PHF21B: variants seen among roughly 807,000 people sequenced by gnomAD.
PHF21B encodes the protein PHD finger protein 21B.
PHF21B carries 22 observed loss-of-function variants against 62.2 expected under a neutral mutation model. The ratio of observed to expected loss-of-function variants is 0.35; its 90% CI spans 0.25 to 0.51. The LOEUF (loss-of-function observed/expected upper bound fraction) is 0.51, where lower values mean the gene tolerates loss of function less well. Ranked by LOEUF, PHF21B falls within the 20% of genes least tolerant of loss-of-function variation. PHF21B has a pLI of 0.97. For synonymous variants in PHF21B, 341 were observed against 314.7 expected (o/e 1.08, Z -0.88); for missense variants, 701 against 707.9 (o/e 0.99, Z 0.11).
Position 44,882,835 on chromosome 22 carries a change from CTG to C in PHF21B, c.*249_*250del. On this transcript the variant is annotated 3_prime_UTR_variant, in exon 13 of 13. Coordinates refer to ENST00000313237, the MANE Select transcript of PHF21B (RefSeq NM_138415.5). ...CAGCCCCGAGGTGGCCGGGGGGAGA[CTG>C]TGTGCCCCAGCCTGTCGTACCCCAC... The C allele has an allele frequency of 8.5e-6, 4 of 467,976 alleles. No individual in the cohort carries two copies. In the South Asian group the frequency reaches 1.3e-4, roughly 15 times the overall value. 29.0% of individuals were successfully genotyped at this position (467,976 alleles called of 1,614,324 possible). A position where few individuals can be genotyped will look rare whatever the true frequency, so the allele number is the denominator to read the frequency against.
intron 9 of PHF21B, among the ~76,000 whole-genome samples, chr22:44,888,679 C>T (rs760088507): frequency 2.0e-5 from 3 of 152,232 alleles, no homozygotes; most frequent in African/African-American, 7.2e-5. Context: ...TTGGAAAAGA[C>T]CAGAGAGCTC....
At chr22:44,928,998 C>G (rs2071688383) in intron 2 of PHF21B, among the ~76,000 whole-genome samples, 1 of 148,104 alleles carries the variant, frequency 6.8e-6, no homozygotes. Flanking sequence ...CTCCCAGAAG[C>G]CCCCATGGAA....
intron 2 of PHF21B, among the ~76,000 whole-genome samples, chr22:44,929,020 TCTC>T (rs10553883): frequency 0.38 from 57,556 of 151,898 alleles, 11,304 homozygotes; most frequent in Admixed American, 0.43. Context: ...GCGGCCTTGC[TCTC>T]CTCCTCTCCA....
rs1372418657 is a variant in PHF21B at position 44,882,870 on chromosome 22, C to G, written c.*216G>C. The G allele has an allele frequency of 1.4e-5, 8 of 564,012 alleles. No individual in the cohort carries two copies. Among genetic ancestry groups the G allele is most frequent in the Non-Finnish European group, 1.8e-5 (6 of 332,488 alleles). 34.9% of individuals were successfully genotyped at this position (564,012 alleles called of 1,614,324 possible). A position where few individuals can be genotyped will look rare whatever the true frequency, so the allele number is the denominator to read the frequency against. On this transcript the variant is annotated 3_prime_UTR_variant, in exon 13 of 13. Coordinates refer to ENST00000313237, the MANE Select transcript of PHF21B (RefSeq NM_138415.5). ...CAGCCTGTCGTACCCCACCTGGCTC[C>G]TAGGTACCCCCTGTGAATTTGGAGG...
At chr22:44,933,590 T>C in intron 2 of PHF21B, 1 of 963,194 alleles carries the variant, frequency 1.0e-6, no homozygotes, top group Non-Finnish European at 1.2e-6. Flanking sequence ...CGGGAAGGTC[T>C]CGGCTACATA....
chr22:44,939,574 G>A lies in PHF21B; in HGVS notation c.121-19084C>T, dbSNP rs184376974. Reference sequence around the variant, plus strand: ...AGGAAAGGGTGAAGGAGATGCTGGCGCTGTCTTGGAAGTTAAGTAGGGTTC... The same window carrying A: ...AGGAAAGGGTGAAGGAGATGCTGGCACTGTCTTGGAAGTTAAGTAGGGTTC... On this transcript the variant is annotated intron_variant, in intron 2 of 12. Transcript: ENST00000313237. 7.2e-5 allele frequency among the ~76,000 whole-genome samples: 11 copies of A among 152,330 alleles called. 1 individual carries two copies. The highest frequency in any genetic ancestry group is 2.1e-4 in the South Asian group (1 of 4,828).
At chr22:44,922,564 G>A (rs1354621189) in intron 2 of PHF21B, among the ~76,000 whole-genome samples, 4 of 151,438 alleles carry the variant, frequency 2.6e-5, no homozygotes, top group African/African-American at 7.3e-5. Context: ...CCTGGGAGGT[G>A]GAGGTTGCAG....
At chr22:44,901,589 A>C (rs2071160060) in intron 5 of PHF21B, 1 of 308,444 alleles carries the variant, frequency 3.2e-6, no homozygotes, top group South Asian at 9.9e-5. Flanking sequence ...CCCATCTTGC[A>C]AGATGGTGAG....
At chr22:44,960,020 G>T (rs2072385574) in intron 2 of PHF21B, among the ~76,000 whole-genome samples, 1 of 152,236 alleles carries the variant, frequency 6.6e-6, no homozygotes, top group Non-Finnish European at 1.5e-5. Flanking sequence ...TGTGACCTCA[G>T]CACCGGACGT....
At position 44,972,031 on chromosome 22, in the gene PHF21B, C is replaced by T. The variant is rs370147801; in HGVS notation, c.120+36514G>A. 1.8e-4 allele frequency among the ~76,000 whole-genome samples: 28 copies of T among 152,328 alleles called. No homozygotes were observed. The East Asian group carries it at 2.7e-3, about 15-fold the overall frequency. On this transcript the variant is annotated intron_variant, in intron 2 of 12. Transcript: ENST00000313237. The stretch of plus-strand genomic sequence containing the variant: ...GGGCTCAGGACAGGGTCACCCATAC[C>T]GGCTGCACTGAATGCTTTAGGGTGG...
At chr22:44,947,613 C>CT (rs2072101658) in intron 2 of PHF21B, among the ~76,000 whole-genome samples, 2 of 152,240 alleles carry the variant, frequency 1.3e-5, no homozygotes, top group Admixed American at 1.3e-4. Flanking sequence ...TTCTGCCTCT[C>CT]TGTCATGTCA....
rs115324345 is a variant in PHF21B at position 44,933,599 on chromosome 22, T to G, written c.121-13109A>C. The G allele has an allele frequency of 4.6e-3, 4,308 of 937,588 alleles. 149 individuals carry two copies. The African/African-American group carries it at 0.07, about 15-fold the overall frequency. 58.1% of individuals were successfully genotyped at this position (937,588 alleles called of 1,614,324 possible). A position where few individuals can be genotyped will look rare whatever the true frequency, so the allele number is the denominator to read the frequency against. On this transcript the variant is annotated intron_variant, in intron 2 of 12. Transcript: ENST00000313237. Reference sequence around the variant, plus strand: ...AGTGCACGGGAAGGTCTCGGCTACATAGAAGGGGTAAGCGTTAAGTGGGGT... The same window carrying G: ...AGTGCACGGGAAGGTCTCGGCTACAGAGAAGGGGTAAGCGTTAAGTGGGGT...
At chr22:44,996,984 C>G (rs1315044913) in intron 2 of PHF21B, among the ~76,000 whole-genome samples, 1 of 152,216 alleles carries the variant, frequency 6.6e-6, no homozygotes, top group African/African-American at 2.4e-5. Flanking sequence ...CACCTGCCAC[C>G]TTCCGACCCA....
chr22:44,992,452 C>A (rs115520923), intron 2 of PHF21B, among the ~76,000 whole-genome samples: 3,079 of 152,358 alleles, frequency 0.02, 95 homozygotes, highest in African/African-American at 0.069. Context: ...CTTCCAAGTC[C>A]TGCTCCACCG....
At chr22:44,887,884 C>T (rs1325484842) in intron 10 of PHF21B, 79 bp downstream of exon 10, 2 of 1,311,168 alleles carry the variant, frequency 1.5e-6, no homozygotes, top group Admixed American at 3.9e-5. Context: ...CTTTTTTCAC[C>T]CCTCCTCTGC....
intron 2 of PHF21B, among the ~76,000 whole-genome samples, chr22:44,936,823 A>G (rs929840555): frequency 1.3e-5 from 2 of 151,152 alleles, no homozygotes; most frequent in African/African-American, 2.4e-5. Flanking sequence ...GCTGTTCTAC[A>G]GGAAACTTGT....
chr22:44,924,685 C>A (rs1304574644), intron 2 of PHF21B, among the ~76,000 whole-genome samples: 1 of 152,216 alleles, frequency 6.6e-6, no homozygotes, highest in African/African-American at 2.4e-5. Flanking sequence ...GACTTCCCAG[C>A]CTCCAGAACC....
intron 2 of PHF21B, among the ~76,000 whole-genome samples, chr22:44,950,440 C>T (rs2072170263): frequency 6.6e-6 from 1 of 152,206 alleles, no homozygotes; most frequent in South Asian, 2.1e-4. Flanking sequence ...CAGCAGCAGG[C>T]AGGATCAACT....
At chr22:44,901,737 T>C (rs112476861) in intron 5 of PHF21B, 19 of 371,202 alleles carry the variant, frequency 5.1e-5, no homozygotes, top group African/African-American at 3.8e-4. Context: ...GTCAGAGGAA[T>C]TGGCAGATAT....
Sources: allele counts gnomAD v4.1 joint callset (sites outside exome capture counted in the v4.1 genomes callset), GRCh38; gene constraint gnomAD v4.1.1; transcripts MANE v1.5; gene names NCBI Gene and HGNC (gene_info 2026-07-23, HGNC 2026-07-21).